The following RABGAP1L variants were observed in gnomAD, a reference collection of about 807,000 sequenced individuals.
The protein encoded by RABGAP1L is rab GTPase-activating protein 1-like.
Under a neutral mutation model 137.7 loss-of-function variants are expected in RABGAP1L, and 63 were observed. That is an observed-to-expected ratio of 0.46 (90% CI 0.37 to 0.56). RABGAP1L has a LOEUF of 0.56. Ranked by LOEUF, RABGAP1L falls within the 20% of genes least tolerant of loss-of-function variation. The pLI is 0.00. For missense variants in RABGAP1L, 1,095 were observed against 1,244.0 expected (o/e 0.88, Z 1.80); for synonymous variants, 431 against 433.7 (o/e 0.99, Z 0.08).
intron 13 of RABGAP1L, among the ~76,000 whole-genome samples, chr1:174,601,212 CCTGGGCCCAGCCCACAAAACTA>C (rs1199105851): frequency 2.0e-5 from 3 of 152,206 alleles, no homozygotes; most frequent in Non-Finnish European, 4.4e-5. Context: ...CACAGGTAAC[CCTGGGCCCAGCCCACAAAACTA>C]CTTTTTCCTC....
chr1:174,987,865 A>G (rs1671733575), intron 24 of RABGAP1L, among the ~76,000 whole-genome samples: 3 of 152,136 alleles, frequency 2.0e-5, no homozygotes, highest in African/African-American at 7.2e-5. Context: ...GCTGGAGTGC[A>G]GTGGCGCGAT....
At chr1:174,764,098 T>G (rs1685477682) in intron 18 of RABGAP1L, among the ~76,000 whole-genome samples, 1 of 152,196 alleles carries the variant, frequency 6.6e-6, no homozygotes, top group Admixed American at 6.5e-5. Context: ...TTCCTTAGCA[T>G]AATGTTTTCA....
chr1:174,635,307 A>G (rs1673904257), intron 13 of RABGAP1L, among the ~76,000 whole-genome samples: 1 of 152,168 alleles, frequency 6.6e-6, no homozygotes, highest in Non-Finnish European at 1.5e-5. Flanking sequence ...CCCCTGAAAT[A>G]TTTCAGCAAT....
chr1:174,465,327 G>T (rs1024331221), intron 13 of RABGAP1L, among the ~76,000 whole-genome samples: 1 of 152,174 alleles, frequency 6.6e-6, no homozygotes, highest in Non-Finnish European at 1.5e-5. Flanking sequence ...AGCCTCCAGA[G>T]TAGCTGGGAC....
At chr1:174,688,507 A>G (rs183601971) in intron 15 of RABGAP1L, among the ~76,000 whole-genome samples, 3 of 152,168 alleles carry the variant, frequency 2.0e-5, no homozygotes, top group Non-Finnish European at 2.9e-5. Context: ...TTCGAAACCA[A>G]TTTGGCTTTG....
Position 174,394,112 on chromosome 1 carries a change from A to T in RABGAP1L, c.1677A>T (p.Ala559=). ...QLLAGCHDNQ[A]MLDRYRILIT... ...TGGCAGGCTGCCATGACAACCAGGC[A>T]ATGCTGGATAGATACCGAATTCTTA... The change falls in exon 13 of 26, where the codon GCA becomes GCT. Residue 559 remains alanine (A), a synonymous_variant. Coordinates refer to ENST00000681986, the MANE Select transcript of RABGAP1L (RefSeq NM_001366446.1). The T allele has an allele frequency of 1.9e-6, 3 of 1,613,794 alleles. No homozygotes were observed. The highest frequency in any genetic ancestry group is 2.5e-6 in the Non-Finnish European group (3 of 1,179,782).
At chr1:174,763,446 C>T (rs200498837) in intron 18 of RABGAP1L, among the ~76,000 whole-genome samples, 3 of 148,336 alleles carry the variant, frequency 2.0e-5, no homozygotes, top group East Asian at 4.1e-4. Context: ...GTCAGGAGAT[C>T]GAGACCATCC....
chr1:174,873,803 C>A (rs1035748439), intron 19 of RABGAP1L, among the ~76,000 whole-genome samples: 10 of 152,076 alleles, frequency 6.6e-5, no homozygotes, highest in Admixed American at 6.6e-4. Context: ...GCCACTGCGC[C>A]CGGTGAGGTG....
At chr1:174,305,160 C>T in intron 11 of RABGAP1L, 33 bp downstream of exon 11, 3 of 1,481,588 alleles carry the variant, frequency 2.0e-6, no homozygotes, top group Middle Eastern at 1.8e-4. Flanking sequence ...TTTATTCTGT[C>T]TGTATAGCTG....
chr1:174,792,209 G>A (rs920237097), intron 18 of RABGAP1L, among the ~76,000 whole-genome samples: 3 of 152,248 alleles, frequency 2.0e-5, no homozygotes, highest in African/African-American at 2.4e-5. Context: ...AGACCTTGGT[G>A]TTTTCTAGGG....
At chr1:174,977,340 G>T (rs181610426) in intron 22 of RABGAP1L, among the ~76,000 whole-genome samples, 6 of 152,194 alleles carry the variant, frequency 3.9e-5, no homozygotes, top group African/African-American at 1.4e-4. Context: ...GATTATTTAG[G>T]CTCCTTAATG....
chr1:174,681,506 A>C (rs907974553), intron 14 of RABGAP1L, among the ~76,000 whole-genome samples: 1 of 152,230 alleles, frequency 6.6e-6, no homozygotes, highest in African/African-American at 2.4e-5. Flanking sequence ...AAATTTTTTT[A>C]AATGAAAAAC....
chr1:174,358,660 T>C (rs1161886908), intron 11 of RABGAP1L, among the ~76,000 whole-genome samples: 1 of 152,190 alleles, frequency 6.6e-6, no homozygotes, highest in Admixed American at 6.5e-5. Context: ...ATTTTGTCTG[T>C]TGGATAGGGG....
chr1:174,493,745 C>T (rs1000671600), intron 13 of RABGAP1L, among the ~76,000 whole-genome samples: 2 of 148,306 alleles, frequency 1.3e-5, no homozygotes, highest in Non-Finnish European at 3.0e-5. Flanking sequence ...CACCTGACTC[C>T]GTGAGGTTGA....
intron 18 of RABGAP1L, among the ~76,000 whole-genome samples, chr1:174,779,841 G>C (rs1257317546): frequency 6.6e-6 from 1 of 151,866 alleles, no homozygotes; most frequent in Non-Finnish European, 1.5e-5. Flanking sequence ...ATCATATCCT[G>C]GATCACCTGA....
At chr1:174,393,781 T>C (rs1400575573) in intron 12 of RABGAP1L, among the ~76,000 whole-genome samples, 14 of 152,100 alleles carry the variant, frequency 9.2e-5, no homozygotes, top group Admixed American at 9.2e-4. Context: ...TTCCTGGAGG[T>C]AGAATTACCT....
chr1:174,877,264 A>G (rs1466150594), intron 19 of RABGAP1L: 2 of 677,554 alleles, frequency 3.0e-6, no homozygotes, highest in South Asian at 3.6e-5. Flanking sequence ...CTTCCTGCAT[A>G]GATAAGAAAC....
At chr1:174,893,461 T>G (rs537550744) in intron 19 of RABGAP1L, among the ~76,000 whole-genome samples, 1 of 152,180 alleles carries the variant, frequency 6.6e-6, no homozygotes, top group Non-Finnish European at 1.5e-5. Context: ...TGTTAAGAGA[T>G]TCTTGTGATT....
chr1:174,398,707 T>G (rs1648182607), intron 13 of RABGAP1L, among the ~76,000 whole-genome samples: 1 of 152,126 alleles, frequency 6.6e-6, no homozygotes, highest in Non-Finnish European at 1.5e-5. Flanking sequence ...CTAGAAATGT[T>G]TTTTAAAAGA....
Sources: allele counts gnomAD v4.1 joint callset (sites outside exome capture counted in the v4.1 genomes callset), GRCh38; gene constraint gnomAD v4.1.1; transcripts MANE v1.5; gene names NCBI Gene and HGNC (gene_info 2026-07-23, HGNC 2026-07-21).